NPAS3: variants seen among roughly 807,000 people sequenced by gnomAD.
NPAS3 encodes neuronal PAS domain-containing protein 3.
In NPAS3, 14 loss-of-function variants were observed where a neutral mutation model predicts 73.1. The observed-to-expected ratio is 0.19, with a 90% CI of 0.13 to 0.30. The LOEUF (loss-of-function observed/expected upper bound fraction) is 0.30, where lower values mean the gene tolerates loss of function less well. Among genes scored for constraint, NPAS3 ranks in the 10% least tolerant of loss-of-function variants. NPAS3 has a pLI of 1.00. For missense variants in NPAS3, 1,096 were observed against 1,250.0 expected, an observed-to-expected ratio of 0.88 and a Z score of 1.86; for synonymous variants, 620 against 541.5, an observed-to-expected ratio of 1.14 and a Z score of -2.01.
chr14:33,362,106 C>T, intron 3 of NPAS3, among the ~76,000 whole-genome samples: 1 of 152,140 alleles, frequency 6.6e-6, no homozygotes, highest in East Asian at 1.9e-4. Flanking sequence ...ACAGTGCTTT[C>T]AACAACAGAA....
In NPAS3 at chr14:33,192,522, G is replaced by C. The variant is rs147591006; in HGVS notation, c.141-22660G>C. On this transcript the variant is annotated intron_variant, in intron 2 of 11. Coordinates refer to ENST00000356141, the Ensembl canonical transcript of NPAS3. ...TTGCCAGTGTGTTGGCTGAACACCA[G>C]CTTGGCCCTTGGAACCCCTTCTTCT... is the stretch of plus-strand genomic sequence containing the variant. 3.4e-4 allele frequency among the ~76,000 whole-genome samples: 52 copies of C among 152,300 alleles called. 2 individuals carry two copies. Among genetic ancestry groups the C allele is most frequent in the Middle Eastern group, 3.4e-3 (1 of 294 alleles).
At chr14:33,689,922 T>C (rs1460577535) in intron 6 of NPAS3, among the ~76,000 whole-genome samples, 1 of 152,176 alleles carries the variant, frequency 6.6e-6, no homozygotes, top group African/African-American at 2.4e-5. Context: ...ACCTTGATGT[T>C]AGTCTCCAAG....
At chr14:33,050,701 A>C (rs917575478) in intron 1 of NPAS3, among the ~76,000 whole-genome samples, 2 of 152,252 alleles carry the variant, frequency 1.3e-5, no homozygotes, top group African/African-American at 2.4e-5. Context: ...CATCACAGTG[A>C]AAGTCTTAAA....
intron 4 of NPAS3, among the ~76,000 whole-genome samples, chr14:33,514,775 T>C (rs963543443): frequency 1.3e-5 from 2 of 152,086 alleles, no homozygotes; most frequent in African/African-American, 4.8e-5. Flanking sequence ...ATTATATGAT[T>C]ATTATAAACT....
intron 3 of NPAS3, among the ~76,000 whole-genome samples, chr14:33,219,451 G>A (rs148749847): frequency 1.3e-5 from 2 of 152,212 alleles, no homozygotes; most frequent in East Asian, 1.9e-4. Flanking sequence ...GTGTGTGACA[G>A]GTAACAATGC....
rs111962669 is a variant in NPAS3 at position 33,671,571 on chromosome 14, A to C, written c.559-4640A>C. 2.4e-3 allele frequency among the ~76,000 whole-genome samples: 369 copies of C among 152,322 alleles called. 1 individual carries two copies. The highest frequency in any genetic ancestry group is 0.01 in the Middle Eastern group (3 of 294). ...ATGGTAACATTGGGCAGGGAAAGGC[A>C]GGAAAAAAAGAGTTTAAACAAAATG... On this transcript the variant is annotated intron_variant, in intron 5 of 11. Coordinates refer to ENST00000356141, the Ensembl canonical transcript of NPAS3.
At chr14:33,741,008 T>G (rs1221567889) in intron 7 of NPAS3, among the ~76,000 whole-genome samples, 5 of 152,160 alleles carry the variant, frequency 3.3e-5, no homozygotes, top group Non-Finnish European at 7.3e-5. Context: ...AGGAAAAGTA[T>G]AGCCTGGAGG....
intron 5 of NPAS3, among the ~76,000 whole-genome samples, chr14:33,574,504 G>A (rs1056949198): frequency 5.3e-5 from 8 of 152,104 alleles, no homozygotes; most frequent in East Asian, 1.9e-4. Flanking sequence ...AGTGGCTTGC[G>A]GGGCCAGAGG....
At chr14:33,359,185 C>A (rs2045478658) in intron 3 of NPAS3, among the ~76,000 whole-genome samples, 1 of 152,252 alleles carries the variant, frequency 6.6e-6, no homozygotes. Flanking sequence ...AGGGAAAAGG[C>A]AAGAGACTTT....
chr14:33,263,319 G>A (rs948996393), intron 3 of NPAS3, among the ~76,000 whole-genome samples: 1 of 152,190 alleles, frequency 6.6e-6, no homozygotes, highest in Non-Finnish European at 1.5e-5. Context: ...AAGGGATCCA[G>A]TTTCAGCTTT....
Position 33,563,835 on chromosome 14 carries a change from GA to G in NPAS3, c.558+3629del, listed in dbSNP as rs543692661. ...ACAGGCAGAAGTGAAAATGAATTAA[GA>G]AAACAGAATGGGTTCCCTAACACTG... On this transcript the variant is annotated intron_variant, in intron 5 of 11. Transcript: ENST00000356141. 1.2e-3 allele frequency among the ~76,000 whole-genome samples: 186 copies of G among 152,232 alleles called. 2 individuals are homozygous for G. Among genetic ancestry groups the G allele is most frequent in the African/African-American group, 4.3e-3 (177 of 41,548 alleles).
chr14:33,184,792 T>G (rs1332148765), intron 2 of NPAS3, among the ~76,000 whole-genome samples: 1 of 152,090 alleles, frequency 6.6e-6, no homozygotes, highest in Non-Finnish European at 1.5e-5. Context: ...GGTGGTGCCA[T>G]TTAACAAGGA....
At chr14:33,782,354 G>A (rs574868419) in intron 9 of NPAS3, among the ~76,000 whole-genome samples, 3 of 152,220 alleles carry the variant, frequency 2.0e-5, no homozygotes, top group South Asian at 2.1e-4. Flanking sequence ...ATTATGAGAC[G>A]TTTCAGTGCA....
At chr14:33,509,410 T>C (rs1404654718) in intron 4 of NPAS3, among the ~76,000 whole-genome samples, 1 of 152,034 alleles carries the variant, frequency 6.6e-6, no homozygotes, top group African/African-American at 2.4e-5. Context: ...AAATACAAAA[T>C]GACTTGCCCT....
chr14:33,737,605 A>G (rs1457697694), intron 7 of NPAS3, among the ~76,000 whole-genome samples: 5 of 152,126 alleles, frequency 3.3e-5, no homozygotes, highest in Non-Finnish European at 4.4e-5. Context: ...AGTAAGATGA[A>G]TCATCCAGCA....
intron 1 of NPAS3, among the ~76,000 whole-genome samples, chr14:32,970,830 GA>G (rs2037388258): frequency 6.6e-6 from 1 of 152,078 alleles, no homozygotes; most frequent in South Asian, 2.1e-4. Flanking sequence ...ATTTGTGTAA[GA>G]ACACTGGCCA....
chr14:33,769,459 C>G (rs1420617257), intron 7 of NPAS3, among the ~76,000 whole-genome samples: 1 of 152,170 alleles, frequency 6.6e-6, no homozygotes, highest in African/African-American at 2.4e-5. Context: ...GATACCAGCT[C>G]TTCTCCTCAG....
At chr14:33,558,582 C>T (rs774404018) in intron 4 of NPAS3, among the ~76,000 whole-genome samples, 63 of 151,648 alleles carry the variant, frequency 4.2e-4, no homozygotes, top group Admixed American at 3.2e-3. Context: ...TTTATATATA[C>T]GTACATACAT....
intron 3 of NPAS3, among the ~76,000 whole-genome samples, chr14:33,264,246 G>T (rs543509796): frequency 6.6e-6 from 1 of 152,022 alleles, no homozygotes; most frequent in African/African-American, 2.4e-5. Flanking sequence ...CACAGGAAGG[G>T]GAACATCACA....
Sources: allele counts gnomAD v4.1 joint callset (sites outside exome capture counted in the v4.1 genomes callset), GRCh38; gene constraint gnomAD v4.1.1; transcripts MANE v1.5; gene names NCBI Gene and HGNC (gene_info 2026-07-23, HGNC 2026-07-21).